The following REV3L variants were observed in gnomAD, a reference collection of about 807,000 sequenced individuals.
REV3L encodes the protein DNA polymerase zeta catalytic subunit.
Under a neutral mutation model 299.4 loss-of-function variants are expected in REV3L, and 69 were observed. The ratio of observed to expected loss-of-function variants is 0.23; its 90% confidence interval spans 0.19 to 0.28. The LOEUF (loss-of-function observed/expected upper bound fraction) is 0.28. Among genes scored for constraint, REV3L ranks in the 10% least tolerant of loss-of-function variants. The pLI is 1.00. For missense variants in REV3L, 3,128 were observed against 3,693.8 expected, an observed-to-expected ratio of 0.85 and a Z score of 3.97; for synonymous variants, 1,238 against 1,271.4, an observed-to-expected ratio of 0.97 and a Z score of 0.56.
At chr6:111,481,171 T>A (rs1793584152) in intron 1 of REV3L, among the ~76,000 whole-genome samples, 1 of 152,146 alleles carries the variant, frequency 6.6e-6, no homozygotes, top group African/African-American at 2.4e-5. Flanking sequence ...CCACAGTATA[T>A]CCTATTAGCA....
intron 1 of REV3L, among the ~76,000 whole-genome samples, chr6:111,464,878 T>C (rs991729934): frequency 6.6e-6 from 1 of 151,794 alleles, no homozygotes; most frequent in Non-Finnish European, 1.5e-5. Flanking sequence ...AGCGTGCGCC[T>C]ATAGTCCCAG....
At chr6:111,482,035 C>A (rs1194776132) in intron 1 of REV3L, among the ~76,000 whole-genome samples, 4 of 152,188 alleles carry the variant, frequency 2.6e-5, no homozygotes, top group Non-Finnish European at 5.9e-5. Context: ...TTAGGTTGGG[C>A]AACATAAACA....
intron 1 of REV3L, among the ~76,000 whole-genome samples, chr6:111,422,078 T>C (rs908244215): frequency 6.6e-6 from 1 of 152,202 alleles, no homozygotes; most frequent in East Asian, 1.9e-4. Context: ...TCAGAATTTA[T>C]CTTACAGAAA....
intron 31 of REV3L, among the ~76,000 whole-genome samples, chr6:111,300,926 G>A (rs766181641): frequency 1.2e-4 from 18 of 152,302 alleles, no homozygotes; most frequent in East Asian, 1.9e-4. Flanking sequence ...AGGGAATAAG[G>A]GAGATAACCA....
At chr6:111,348,205 G>A (rs569980866) in intron 20 of REV3L, among the ~76,000 whole-genome samples, 18 of 152,116 alleles carry the variant, frequency 1.2e-4, no homozygotes, top group African/African-American at 3.9e-4. Context: ...CTCCTACCTC[G>A]GCCTCCCAAA....
chr6:111,374,853 T>C lies in REV3L; in HGVS notation c.3502A>G (p.Ser1168Gly). The C allele has an allele frequency of 6.2e-7, 1 of 1,613,952 alleles. No individual in the cohort carries two copies. Among genetic ancestry groups the C allele is most frequent in the Non-Finnish European group, 8.5e-7 (1 of 1,179,918 alleles). ...KTVNSRIGKTSRARAQIKKSK... is the reference protein window; with the variant it reads ...KTVNSRIGKTGRARAQIKKSK... ...TTCTTAATCTGTGCTCTTGCGCGAC[T>C]AGTTTTTCCTATACGAGAATTAACA... Residue 1168 changes from serine (S) to glycine (G), a missense_variant, in exon 13 of 32, where the codon AGT (serine) becomes GGT (glycine). Physicochemically the swap from Ser to Gly is moderately conservative, Grantham distance 56 (BLOSUM62 0). Around this residue, in one of 9 missense-constraint regions of REV3L, gnomAD observed 2,409 missense variants for 2,611.8 expected, o/e 0.92. Coordinates refer to ENST00000368802, the MANE Select transcript of REV3L (RefSeq NM_001372078.1).
At chr6:111,475,847 A>C (rs1026173748) in intron 1 of REV3L, among the ~76,000 whole-genome samples, 2 of 152,200 alleles carry the variant, frequency 1.3e-5, no homozygotes, top group Non-Finnish European at 2.9e-5. Flanking sequence ...GTAAAAAATA[A>C]TTACCCTACC....
intron 5 of REV3L, among the ~76,000 whole-genome samples, chr6:111,391,665 A>G (rs936134616): frequency 1.3e-5 from 2 of 152,248 alleles, no homozygotes; most frequent in Admixed American, 1.3e-4. Flanking sequence ...TTGGTGGCTC[A>G]TGAATGTGAT....
chr6:111,374,669 T>C lies in REV3L; in HGVS notation c.3686A>G (p.Glu1229Gly), dbSNP rs1184650673. The change falls in exon 13 of 32, where the codon GAA becomes GGA. Residue 1229 changes from glutamate (E) to glycine (G), a missense_variant. Coordinates refer to ENST00000368802, the MANE Select transcript of REV3L (RefSeq NM_001372078.1). ...AGCACCAGACTGAGATTTTATTTTT[T>C]CATCCTTAAGTGTTGTATGCTTTCT... ...TSRKHTTLKD[E>G]KIKSQSGAEV... is the part of the protein sequence containing the mutation. 1.9e-6 allele frequency: 3 copies of C among 1,613,490 alleles called. No homozygotes were observed. Among genetic ancestry groups the C allele is most frequent in the Non-Finnish European group, 2.5e-6 (3 of 1,179,914 alleles).
At chr6:111,322,513 T>G (rs911747596) in intron 26 of REV3L, 56 bp downstream of exon 26, 2 of 1,312,448 alleles carry the variant, frequency 1.5e-6, no homozygotes, top group Non-Finnish European at 2.2e-6. Flanking sequence ...TTTTAAACAC[T>G]GAAATGAAGA....
chr6:111,438,671 G>A (rs1787880579), intron 1 of REV3L, among the ~76,000 whole-genome samples: 1 of 152,046 alleles, frequency 6.6e-6, no homozygotes, highest in Non-Finnish European at 1.5e-5. Flanking sequence ...ATCCCAACCC[G>A]ATATCCTATA....
Position 111,375,062 on chromosome 6 carries a change from T to C in REV3L, c.3293A>G (p.Asp1098Gly). The C allele has an allele frequency of 1.2e-6, 2 of 1,614,016 alleles. No homozygotes were observed. The highest frequency in any genetic ancestry group is 1.7e-6 in the Non-Finnish European group (2 of 1,179,940). Residue 1098 changes from aspartate (D) to glycine (G), a missense_variant, in exon 13 of 32, where the codon GAT (aspartate) becomes GGT (glycine). Coordinates refer to ENST00000368802, the MANE Select transcript of REV3L (RefSeq NM_001372078.1). Reference sequence around the variant, plus strand: ...AACATCACTATAATTCAGGTCACAATCTTCGGTTTCAGCATTGTAAGATGG... The same window carrying C: ...AACATCACTATAATTCAGGTCACAACCTTCGGTTTCAGCATTGTAAGATGG... Reference protein sequence around the residue: ...PSPSYNAETEDCDLNYSDVMS... With the variant: ...PSPSYNAETEGCDLNYSDVMS...
chr6:111,351,221 C>T (rs1482127311), intron 19 of REV3L, among the ~76,000 whole-genome samples: 3 of 151,846 alleles, frequency 2.0e-5, no homozygotes, highest in Non-Finnish European at 2.9e-5. Flanking sequence ...CCATCCTGTC[C>T]TTCTTAACCA....
At chr6:111,383,410 G>T (rs934804374) in intron 9 of REV3L, among the ~76,000 whole-genome samples, 2 of 152,208 alleles carry the variant, frequency 1.3e-5, no homozygotes, top group East Asian at 1.9e-4. Context: ...CAAATTCAGC[G>T]AAGTTGCAGG....
intron 28 of REV3L, chr6:111,312,248 C>T (rs1234543970): frequency 6.6e-6 from 1 of 151,954 alleles, no homozygotes; most frequent in Non-Finnish European, 1.5e-5. Flanking sequence ...ATATCTCTTC[C>T]AGAAATAGTG....
Position 111,422,679 on chromosome 6 carries a change from CGTATAT to C in REV3L, c.140-6213_140-6208del, listed in dbSNP as rs1391503297. Among the ~76,000 whole-genome samples the C allele has an allele frequency of 1.4e-3, 34 of 24,932 alleles. 6 individuals are homozygous for C. The highest frequency in any genetic ancestry group is 2.6e-3 in the Non-Finnish European group (31 of 12,046). 16.4% of individuals were successfully genotyped at this position (24,932 alleles called of 152,430 possible). ...ATATATATACATATATATATATATA[CGTATAT>C]ATATATATATATATATTTCCCCCCA... On this transcript the variant is annotated intron_variant, in intron 1 of 31. Transcript: ENST00000368802.
chr6:111,453,276 ATGACT>A (rs1051425042), intron 1 of REV3L, among the ~76,000 whole-genome samples: 28 of 152,196 alleles, frequency 1.8e-4, no homozygotes, highest in Non-Finnish European at 7.4e-5. Flanking sequence ...GTCTCACAGA[ATGACT>A]TTATTAGAAG....
rs756226303 is a variant in REV3L, at chr6:111,315,317, C to T, written c.8416G>A (p.Glu2806Lys). ...QSFKIGQEIA[E>K]AVTATNPKPV... ...TTAGGATTGGTAGCAGTTACAGCTT[C>T]GGCAATTTCCTGACCAATCTTAAAA... Residue 2806 changes from glutamate (E) to lysine (K), a missense_variant, in exon 27 of 32, where the codon GAA becomes AAA. By Grantham distance (56) the Glu-to-Lys change is moderately conservative. Coordinates refer to ENST00000368802, the MANE Select transcript of REV3L (RefSeq NM_001372078.1). 12 of 1,613,904 alleles carry T rather than the reference C, an allele frequency of 7.4e-6. No homozygotes were observed. The highest frequency in any genetic ancestry group is 2.7e-5 in the African/African-American group (2 of 74,894).
chr6:111,318,648 C>G (rs551640486), intron 26 of REV3L, among the ~76,000 whole-genome samples: 2 of 151,964 alleles, frequency 1.3e-5, no homozygotes, highest in African/African-American at 4.8e-5. Flanking sequence ...CTCAGCTCAC[C>G]GCAACCTCTG....
Sources: gnomAD v4.1 joint callset for allele counts (sites outside exome capture counted in the v4.1 genomes callset) on GRCh38, gnomAD v4.1.1 for gene constraint, gnomAD v4.1.1 regional missense constraint, MANE v1.5 for transcripts, NCBI Gene and HGNC (gene_info 2026-07-23, HGNC 2026-07-21) for gene names.